The following AJAP1 variants were observed in gnomAD, a reference collection of about 807,000 sequenced individuals.
AJAP1 encodes the protein adherens junctions associated protein 1.
A neutral mutation model predicts 35.0 loss-of-function variants in AJAP1; 5 were observed. The ratio of observed to expected loss-of-function variants is 0.14; its 90% CI spans 0.07 to 0.30. The LOEUF is 0.30. AJAP1 is among the 10% of genes least tolerant of loss of function. The probability of loss-of-function intolerance (pLI) is 1.00; values close to 1 mark genes in which losing one functional copy is unlikely to be tolerated. For missense variants in AJAP1, 586 were observed against 571.0 expected, an observed-to-expected ratio of 1.03 and a Z score of -0.27; for synonymous variants, 284 against 249.3, an observed-to-expected ratio of 1.14 and a Z score of -1.31.
rs1281725013 is a variant in AJAP1, at chr1:4,784,714, T to C, written c.*2229T>C. On this transcript the variant is annotated 3_prime_UTR_variant, in exon 6 of 6. Coordinates refer to ENST00000378191, the MANE Select transcript of AJAP1 (RefSeq NM_018836.4). Reference sequence around the variant, plus strand: ...TTGTTCTTTAGTTTTTGTTCTGTCATTTATTTTCCCCCCAAGCTTTGGCAC... The same window carrying C: ...TTGTTCTTTAGTTTTTGTTCTGTCACTTATTTTCCCCCCAAGCTTTGGCAC... 1 of 152,272 alleles carries C rather than the reference T, an allele frequency of 6.6e-6. No homozygotes were observed. The highest frequency in any genetic ancestry group is 1.5e-5 in the Non-Finnish European group (1 of 68,066). The allele number at this position is 152,272 out of a possible 1,614,324, so 9.4% of individuals were successfully genotyped here.
chr1:4,782,358 C>T lies in AJAP1; in HGVS notation c.*60-187C>T, dbSNP rs1214841412. ...CAGTGTTTCTTCCAGTTCCTGCTGA[C>T]CAGTTCTAGTGAGGCCTTGTCCACG... On this transcript the variant is annotated intron_variant, in intron 5 of 5. Transcript: ENST00000378191. The surrounding 1 kb of genome is among the most constrained non-coding windows in gnomAD (Gnocchi z 5.3). Among the ~76,000 whole-genome samples, 3 of 152,148 alleles carry T rather than the reference C, an allele frequency of 2.0e-5. No homozygotes were observed. The highest frequency in any genetic ancestry group is 6.5e-5 in the Admixed American group (1 of 15,284).
At chr1:4,691,551 GTGTGCCTCTTGACCAAAAGCC>G (rs1639739601) in intron 1 of AJAP1, among the ~76,000 whole-genome samples, 1 of 152,218 alleles carries the variant, frequency 6.6e-6, no homozygotes, top group Non-Finnish European at 1.5e-5. Flanking sequence ...TCCAGGTCCT[GTGTGCCTCTTGACCAAAAGCC>G]CTGGTGCTGG....
At chr1:4,657,790 G>C (rs1268233509) in intron 1 of AJAP1, among the ~76,000 whole-genome samples, 1 of 152,070 alleles carries the variant, frequency 6.6e-6, no homozygotes, top group Non-Finnish European at 1.5e-5. Flanking sequence ...ATTTACGTCT[G>C]TGTTGGAACT....
rs368984414 is a variant in AJAP1, at chr1:4,742,472, G to A, written c.830-27381G>A. On this transcript the variant is annotated intron_variant, in intron 2 of 5. Coordinates refer to ENST00000378191, the MANE Select transcript of AJAP1 (RefSeq NM_018836.4). ...GGGAAACTGTTCCCAATTGGAAGACGAGAGACTCAAATGCAAGTTGGGAGC... is the reference window on the plus strand; with the variant it reads ...GGGAAACTGTTCCCAATTGGAAGACAAGAGACTCAAATGCAAGTTGGGAGC... 5.9e-5 allele frequency among the ~76,000 whole-genome samples: 9 copies of A among 152,256 alleles called. No homozygotes were observed. The East Asian group carries it at 7.7e-4, about 13-fold the overall frequency.
Position 4,654,817 on chromosome 1 carries a change from G to A in AJAP1, c.-609G>A, listed in dbSNP as rs1194374921. On this transcript the variant is annotated 5_prime_UTR_variant, in exon 1 of 6. Coordinates refer to ENST00000378191, the MANE Select transcript of AJAP1 (RefSeq NM_018836.4). This position sits in a 1 kb window ranked among gnomAD's most constrained non-coding sequence, Gnocchi z 5.1. The stretch of plus-strand genomic sequence containing the variant: ...TCTCCGGGCCGCGGCCGTCTGCAGA[G>A]CGAGCGCTCAGACGGAGCCCCCGGG... 1.3e-5 allele frequency: 2 copies of A among 150,622 alleles called. No homozygotes were observed. The highest frequency in any genetic ancestry group is 3.0e-5 in the Non-Finnish European group (2 of 67,626). The allele number at this position is 150,622 out of a possible 1,614,324, so 9.3% of individuals were successfully genotyped here.
chr1:4,704,049 C>G (rs114797517), intron 1 of AJAP1, among the ~76,000 whole-genome samples: 3,213 of 152,100 alleles, frequency 0.021, 91 homozygotes, highest in South Asian at 0.12. Flanking sequence ...AGGGGTTAAG[C>G]AAAGGAAAAA....
rs1421529920 is a variant in AJAP1 at position 4,723,484 on chromosome 1, C to T, written c.829+10785C>T. Among the ~76,000 whole-genome samples, 1 of 152,056 alleles carries T rather than the reference C, an allele frequency of 6.6e-6. No individual in the cohort carries two copies. Among genetic ancestry groups the T allele is most frequent in the Non-Finnish European group, 1.5e-5 (1 of 68,002 alleles). On this transcript the variant is annotated intron_variant, in intron 2 of 5. Coordinates refer to ENST00000378191, the MANE Select transcript of AJAP1 (RefSeq NM_018836.4). This position sits in a 1 kb window ranked among gnomAD's most constrained non-coding sequence, Gnocchi z 4.3. The stretch of plus-strand genomic sequence containing the variant: ...GCAATTGGGGGTGATAAGGAAGAGC[C>T]CACCGGGAGGAGGTGGCCAGGAGGC...
At position 4,783,018 on chromosome 1, in the gene AJAP1, A is replaced by G. The variant is rs1642095884; in HGVS notation, c.*533A>G. ...GTCGCTATTTCTGGTTAATATACAT[A>G]TATAAATATATAAATACAAACACAC... On this transcript the variant is annotated 3_prime_UTR_variant, in exon 6 of 6. Coordinates refer to ENST00000378191, the MANE Select transcript of AJAP1 (RefSeq NM_018836.4). The G allele has an allele frequency of 1.3e-5, 5 of 392,744 alleles. No individual in the cohort carries two copies. The highest frequency in any genetic ancestry group is 2.2e-5 in the Non-Finnish European group (5 of 223,520). The allele number at this position is 392,744 out of a possible 1,614,324, so 24.3% of individuals were successfully genotyped here.
intron 5 of AJAP1, 46 bp downstream of exon 5, chr1:4,774,604 C>A: frequency 1.8e-6 from 2 of 1,097,790 alleles, no homozygotes; most frequent in Middle Eastern, 2.0e-4. Context: ...CCCTTTCCTC[C>A]CCTCCCCACT....
At chr1:4,767,534 TATC>T (rs1201580208) in intron 2 of AJAP1, among the ~76,000 whole-genome samples, 13 of 146,104 alleles carry the variant, frequency 8.9e-5, no homozygotes, top group African/African-American at 1.8e-4. Context: ...CCATCACCAT[TATC>T]ATCATCACCA....
At chr1:4,677,112 G>A (rs548700363) in intron 1 of AJAP1, among the ~76,000 whole-genome samples, 2 of 152,312 alleles carry the variant, frequency 1.3e-5, no homozygotes, top group Non-Finnish European at 2.9e-5. Flanking sequence ...AGCTGAGATC[G>A]TGCCACCGCA....
intron 2 of AJAP1, among the ~76,000 whole-genome samples, chr1:4,727,783 C>T (rs1223513991): frequency 6.6e-6 from 1 of 152,156 alleles, no homozygotes; most frequent in Non-Finnish European, 1.5e-5. Flanking sequence ...CTGGAGGGGC[C>T]CATGTAGTGG....
rs1638890510 is a variant in AJAP1 at position 4,656,732 on chromosome 1, T to TC, written c.29+1281dup. 6.6e-6 allele frequency among the ~76,000 whole-genome samples: 1 copy of TC among 152,164 alleles called. No individual in the cohort carries two copies. Among genetic ancestry groups the TC allele is most frequent in the Non-Finnish European group, 1.5e-5 (1 of 68,030 alleles). ...ACATTGTCAGATGTTATTATTAGCA[T>TC]CCCTTCTCTCAGTGGCCGATCTTGC... is the stretch of plus-strand genomic sequence containing the variant. On this transcript the variant is annotated intron_variant, in intron 1 of 5. Transcript: ENST00000378191. The surrounding 1 kb of genome is among the most constrained non-coding windows in gnomAD (Gnocchi z 5.7).
chr1:4,716,449 A>G (rs1041997210), intron 2 of AJAP1, among the ~76,000 whole-genome samples: 4 of 152,170 alleles, frequency 2.6e-5, no homozygotes, highest in Non-Finnish European at 5.9e-5. Context: ...CCTGGCACAT[A>G]ACAGTTTTCA....
At chr1:4,744,732 C>G (rs1372316773) in intron 2 of AJAP1, among the ~76,000 whole-genome samples, 2 of 152,200 alleles carry the variant, frequency 1.3e-5, no homozygotes, top group Non-Finnish European at 2.9e-5. Context: ...GCACACATGC[C>G]CACATGCAGA....
At chr1:4,756,257 G>T (rs1557641601) in intron 2 of AJAP1, among the ~76,000 whole-genome samples, 1 of 152,210 alleles carries the variant, frequency 6.6e-6, no homozygotes. Flanking sequence ...GTGGTGAGGG[G>T]CTTGGCCCTG....
intron 1 of AJAP1, among the ~76,000 whole-genome samples, chr1:4,696,111 TA>T (rs1162994197): frequency 6.6e-6 from 1 of 152,062 alleles, no homozygotes; most frequent in East Asian, 1.9e-4. Context: ...ATGGCTCCTA[TA>T]AAAAGCCAAC....
chr1:4,751,630 A>C (rs530443143), intron 2 of AJAP1, among the ~76,000 whole-genome samples: 2 of 152,216 alleles, frequency 1.3e-5, no homozygotes, highest in Non-Finnish European at 2.9e-5. Context: ...GGCTGCGCAC[A>C]TTCTGTCTGG....
intron 1 of AJAP1, among the ~76,000 whole-genome samples, chr1:4,674,646 G>C (rs1358566492): frequency 2.6e-5 from 4 of 152,200 alleles, no homozygotes; most frequent in Non-Finnish European, 5.9e-5. Context: ...GGAGTGGCTG[G>C]TGCTGCGGCT....
Sources: gnomAD v4.1 joint callset for allele counts (sites outside exome capture counted in the v4.1 genomes callset) on GRCh38, gnomAD v4.1.1 for gene constraint, Gnocchi (gnomAD v3.1) non-coding constraint, MANE v1.5 for transcripts, NCBI Gene and HGNC (gene_info 2026-07-23, HGNC 2026-07-21) for gene names.